Variants in ARHGEF3 observed in about 807,000 individuals in gnomAD.
ARHGEF3 encodes Rho guanine nucleotide exchange factor 3.
A neutral mutation model predicts 63.2 loss-of-function variants in ARHGEF3; 28 were observed. The ratio of observed to expected loss-of-function variants is 0.44; its 90% CI spans 0.33 to 0.61. ARHGEF3 has a LOEUF of 0.61. ARHGEF3 is among the 20% of genes least tolerant of loss of function. The pLI is 0.03. For missense variants in ARHGEF3, 533 were observed against 659.3 expected, an observed-to-expected ratio of 0.81 and a Z score of 2.10; for synonymous variants, 266 against 254.2, an observed-to-expected ratio of 1.05 and a Z score of -0.44.
chr3:57,055,551 T>C (rs1579180100), intron 1 of ARHGEF3, among the ~76,000 whole-genome samples: 2 of 152,202 alleles, frequency 1.3e-5, no homozygotes, highest in Non-Finnish European at 2.9e-5. Flanking sequence ...AGAAACTCCA[T>C]TGATTTGCCT....
intron 3 of ARHGEF3, among the ~76,000 whole-genome samples, chr3:56,895,049 T>C (rs1466265186): frequency 2.0e-5 from 3 of 152,218 alleles, no homozygotes; most frequent in Non-Finnish European, 4.4e-5. Flanking sequence ...GTACCCTGAA[T>C]ACCTGCATGT....
At chr3:56,813,882 A>G (rs2038165477) in intron 4 of ARHGEF3, among the ~76,000 whole-genome samples, 1 of 152,008 alleles carries the variant, frequency 6.6e-6, no homozygotes. Flanking sequence ...TCATTCCTGA[A>G]TTTAGATGCT....
intron 7 of ARHGEF3, 25 bp downstream of exon 7, chr3:56,745,180 G>C (rs2034300699): frequency 6.2e-7 from 1 of 1,603,968 alleles, no homozygotes. Flanking sequence ...AACAAGAAGA[G>C]AGAGAAGGAA....
At chr3:56,889,417 C>T (rs903205615) in intron 3 of ARHGEF3, among the ~76,000 whole-genome samples, 1 of 152,118 alleles carries the variant, frequency 6.6e-6, no homozygotes, top group Non-Finnish European at 1.5e-5. Flanking sequence ...AGGTGCCTTC[C>T]AATACAAAAG....
intron 2 of ARHGEF3, among the ~76,000 whole-genome samples, chr3:56,763,576 T>C (rs1023439026): frequency 4.6e-5 from 7 of 152,180 alleles, no homozygotes; most frequent in African/African-American, 1.7e-4. Context: ...TGAGAAAAGC[T>C]TAATGATAAG....
At chr3:57,033,105 G>C (rs1273521988) in intron 2 of ARHGEF3, among the ~76,000 whole-genome samples, 1 of 152,192 alleles carries the variant, frequency 6.6e-6, no homozygotes, top group African/African-American at 2.4e-5. Context: ...AAAAGCTAAA[G>C]ATCTGAGGCA....
chr3:57,053,910 G>A (rs906969842), intron 1 of ARHGEF3, among the ~76,000 whole-genome samples: 6 of 152,150 alleles, frequency 3.9e-5, no homozygotes, highest in Non-Finnish European at 7.3e-5. Flanking sequence ...GGCTGCTGAC[G>A]GGCATTTGGA....
At chr3:56,964,047 T>C (rs1298613417) in intron 2 of ARHGEF3, among the ~76,000 whole-genome samples, 1 of 152,130 alleles carries the variant, frequency 6.6e-6, no homozygotes, top group Non-Finnish European at 1.5e-5. Context: ...TCCTCATAAA[T>C]TACGGGAAAA....
intron 2 of ARHGEF3, among the ~76,000 whole-genome samples, chr3:56,992,069 T>TGTGTGTGTGTGTG (rs1701772992): frequency 6.9e-6 from 1 of 145,676 alleles, no homozygotes; most frequent in African/African-American, 2.5e-5. Context: ...TGTGTGTGTG[T>TGTGTGTGTGTGTG]TCCTGGATGG....
At chr3:57,011,091 A>T (rs1336401191) in intron 2 of ARHGEF3, among the ~76,000 whole-genome samples, 1 of 152,220 alleles carries the variant, frequency 6.6e-6, no homozygotes, top group African/African-American at 2.4e-5. Flanking sequence ...CCCTGCGTGT[A>T]GGAGCTATGA....
intron 3 of ARHGEF3, among the ~76,000 whole-genome samples, chr3:56,949,646 G>C (rs1699701973): frequency 6.6e-6 from 1 of 151,994 alleles, no homozygotes; most frequent in Non-Finnish European, 1.5e-5. Context: ...CAAACAAATG[G>C]AAGAACATTC....
At chr3:56,798,721 C>T (rs544804220) in intron 1 of ARHGEF3, among the ~76,000 whole-genome samples, 1 of 152,054 alleles carries the variant, frequency 6.6e-6, no homozygotes, top group Non-Finnish European at 1.5e-5. Context: ...AGTAGATGAC[C>T]AATAAATACA....
At chr3:56,957,165 T>C (rs1191227183) in intron 3 of ARHGEF3, among the ~76,000 whole-genome samples, 2 of 152,238 alleles carry the variant, frequency 1.3e-5, no homozygotes, top group Non-Finnish European at 2.9e-5. Flanking sequence ...AGTGCATGAC[T>C]TGCATTCAGT....
chr3:56,787,323 G>C (rs970232763), intron 1 of ARHGEF3, among the ~76,000 whole-genome samples: 1 of 152,066 alleles, frequency 6.6e-6, no homozygotes, highest in African/African-American at 2.4e-5. Flanking sequence ...GCAAAGCTTC[G>C]ATCAATTGCG....
chr3:57,070,324 T>TTAGACTAATTCAGGGTAATTTAAG (rs371403284), intron 1 of ARHGEF3, among the ~76,000 whole-genome samples: 3,832 of 152,312 alleles, frequency 0.025, 179 homozygotes, highest in African/African-American at 0.085. Context: ...AGGAGTTAAA[T>TTAGACTAATTCAGGGTAATTTAAG]GTCTTACCCA....
chr3:56,789,560 T>C (rs2036981613), intron 1 of ARHGEF3, among the ~76,000 whole-genome samples: 1 of 152,238 alleles, frequency 6.6e-6, no homozygotes, highest in Non-Finnish European at 1.5e-5. Context: ...ATTTCAAGTT[T>C]AGTTTGCAAG....
intron 1 of ARHGEF3, among the ~76,000 whole-genome samples, chr3:57,037,805 G>A (rs1279783701): frequency 6.6e-6 from 1 of 152,202 alleles, no homozygotes; most frequent in African/African-American, 2.4e-5. Context: ...AACCCGGGAG[G>A]CGGAGCTTGC....
chr3:56,973,060 A>C lies in ARHGEF3; in HGVS notation c.63-14171T>G, dbSNP rs988416949. Among the ~76,000 whole-genome samples, 30 of 149,832 alleles carry C rather than the reference A, an allele frequency of 2.0e-4. No individual in the cohort carries two copies. The Middle Eastern group carries it at 0.011, about 54-fold the overall frequency. ...GAGATGGAGTCTCGCTCTGTCGCCC[A>C]GGCTGGAGTGCAGTGGTGCGATTTT... On this transcript the variant is annotated intron_variant, in intron 2 of 12. Coordinates refer to the ARHGEF3 transcript ENST00000338458.
chr3:56,951,382 G>C (rs1699806491), intron 3 of ARHGEF3, among the ~76,000 whole-genome samples: 1 of 151,916 alleles, frequency 6.6e-6, no homozygotes, highest in Admixed American at 6.6e-5. Context: ...ATTGAGGCAA[G>C]ATGATCATTA....
Sources: allele counts gnomAD v4.1 joint callset (sites outside exome capture counted in the v4.1 genomes callset), GRCh38; gene constraint gnomAD v4.1.1; transcripts MANE v1.5; gene names NCBI Gene and HGNC (gene_info 2026-07-23, HGNC 2026-07-21).